The following FYB1 variants were observed in gnomAD, a reference collection of about 807,000 sequenced individuals.
FYB1 encodes the protein FYN binding protein 1, also known as FYN-binding protein 1.
A neutral mutation model predicts 94.1 loss-of-function variants in FYB1; 41 were observed. That is an observed-to-expected ratio of 0.44 (90% CI 0.34 to 0.57). The LOEUF (loss-of-function observed/expected upper bound fraction) is 0.57, where lower values mean the gene tolerates loss of function less well. FYB1 is among the 20% of genes least tolerant of loss of function. FYB1 has a pLI of 0.02. For synonymous variants in FYB1, 367 were observed against 353.2 expected, an observed-to-expected ratio of 1.04 and a Z score of -0.44; for missense variants, 1,050 against 976.8, an observed-to-expected ratio of 1.07 and a Z score of -1.00.
chr5:39,159,544 T>C (rs1200859988), intron 2 of FYB1, among the ~76,000 whole-genome samples: 2 of 152,152 alleles, frequency 1.3e-5, no homozygotes, highest in African/African-American at 4.8e-5. Flanking sequence ...TCCCCTTCAT[T>C]CCCAGACCCT....
intron 2 of FYB1, among the ~76,000 whole-genome samples, chr5:39,185,436 C>A (rs1190410445): frequency 6.6e-6 from 1 of 150,388 alleles, no homozygotes; most frequent in Non-Finnish European, 1.5e-5. Flanking sequence ...AGTTCCCAGT[C>A]AAGATGGTAG....
chr5:39,265,507 A>G (rs1227473065), intron 1 of FYB1, among the ~76,000 whole-genome samples: 1 of 150,376 alleles, frequency 6.6e-6, no homozygotes, highest in Non-Finnish European at 1.5e-5. Flanking sequence ...AGAAAAAAAA[A>G]TTAGCTGGGG....
chr5:39,209,351 G>C (rs556198178), intron 1 of FYB1, among the ~76,000 whole-genome samples: 1 of 149,258 alleles, frequency 6.7e-6, no homozygotes, highest in South Asian at 2.1e-4. Flanking sequence ...TTTTGAGACG[G>C]AGCCTCCCTC....
chr5:39,218,808 A>G (rs1479474550), intron 1 of FYB1, among the ~76,000 whole-genome samples: 1 of 152,216 alleles, frequency 6.6e-6, no homozygotes, highest in African/African-American at 2.4e-5. Flanking sequence ...AATGTATACA[A>G]GACAGCCAAA....
At chr5:39,206,376 G>A (rs1342450031) in intron 1 of FYB1, among the ~76,000 whole-genome samples, 2 of 152,042 alleles carry the variant, frequency 1.3e-5, no homozygotes, top group Non-Finnish European at 2.9e-5. Flanking sequence ...ACCCTTAATC[G>A]TAACAATAAT....
chr5:39,111,870 C>T (rs904905455), intron 16 of FYB1, among the ~76,000 whole-genome samples: 1 of 151,900 alleles, frequency 6.6e-6, no homozygotes, highest in African/African-American at 2.4e-5. Context: ...GAACACGTTG[C>T]ACCTTCCTTT....
chr5:39,220,293 C>A (rs180836171), upstream of FYB1, among the ~76,000 whole-genome samples: 81 of 151,414 alleles, frequency 5.3e-4, no homozygotes, highest in African/African-American at 1.9e-3. Context: ...TGCCTGTAGC[C>A]CCAGACATTT....
At chr5:39,162,408 T>C (rs1402428865) in intron 2 of FYB1, among the ~76,000 whole-genome samples, 1 of 152,142 alleles carries the variant, frequency 6.6e-6, no homozygotes, top group African/African-American at 2.4e-5. Flanking sequence ...TTTGGTAGGC[T>C]GGGTGCTGTG....
intron 1 of FYB1, among the ~76,000 whole-genome samples, chr5:39,259,081 C>G (rs1248985990): frequency 1.3e-5 from 2 of 152,202 alleles, no homozygotes; most frequent in Non-Finnish European, 2.9e-5. Flanking sequence ...CCCCCTCACA[C>G]CACCATGGGC....
At chr5:39,171,853 A>G (rs938857438) in intron 2 of FYB1, among the ~76,000 whole-genome samples, 1 of 152,184 alleles carries the variant, frequency 6.6e-6, no homozygotes. Context: ...TGCTGAAGTA[A>G]GAGAACCTGG....
chr5:39,222,977 G>C (rs1397469697), upstream of FYB1, among the ~76,000 whole-genome samples: 1 of 151,992 alleles, frequency 6.6e-6, no homozygotes, highest in East Asian at 1.9e-4. Context: ...ATGGAGGGGA[G>C]AGCATCAGGA....
At chr5:39,183,858 T>C (rs991200748) in intron 2 of FYB1, among the ~76,000 whole-genome samples, 3 of 152,026 alleles carry the variant, frequency 2.0e-5, no homozygotes, top group African/African-American at 7.2e-5. Context: ...GGGGCTATGG[T>C]GGTGGTGGAA....
At chr5:39,182,969 T>A (rs913898287) in intron 2 of FYB1, among the ~76,000 whole-genome samples, 1 of 152,210 alleles carries the variant, frequency 6.6e-6, no homozygotes, top group Non-Finnish European at 1.5e-5. Flanking sequence ...CAAAACTAAG[T>A]TGACAAAGTT....
intron 2 of FYB1, among the ~76,000 whole-genome samples, chr5:39,172,715 A>G (rs1745359108): frequency 6.6e-6 from 1 of 151,818 alleles, no homozygotes; most frequent in Non-Finnish European, 1.5e-5. Context: ...TTTTCTGTTC[A>G]TGTGTTAGTT....
rs753354647 is a variant in FYB1 at position 39,202,896 on chromosome 5, C to T, written c.65G>A (p.Arg22Lys). The change falls in exon 2 of 19, where the codon AGA (arginine) becomes AAA (lysine). Residue 22 changes from arginine (R) to lysine (K), a missense_variant. Coordinates refer to ENST00000512982, the MANE Select transcript of FYB1 (RefSeq NM_001465.6). Reference protein sequence around the residue: ...EDVSVNSRPFRVTGPNSSSGI... With the variant: ...EDVSVNSRPFKVTGPNSSSGI... ...TGAAGATGAGTTTGGCCCTGTGACT[C>T]TGAAGGGTCGGCTATTGACTGAGAC... The T allele has an allele frequency of 6.2e-7, 1 of 1,613,856 alleles. No individual in the cohort carries two copies. Among genetic ancestry groups the T allele is most frequent in the Non-Finnish European group, 8.5e-7 (1 of 1,179,902 alleles).
intron 2 of FYB1, among the ~76,000 whole-genome samples, chr5:39,174,009 A>G (rs751662278): frequency 1.9e-4 from 29 of 152,286 alleles, no homozygotes; most frequent in Non-Finnish European, 2.6e-4. Context: ...TAGTGATAGC[A>G]TTGAATCTGT....
chr5:39,187,187 T>C (rs1029603107), intron 2 of FYB1, among the ~76,000 whole-genome samples: 3 of 152,204 alleles, frequency 2.0e-5, no homozygotes, highest in African/African-American at 7.2e-5. Flanking sequence ...CTTACAAAAA[T>C]ACTGTGACAC....
intron 1 of FYB1, among the ~76,000 whole-genome samples, chr5:39,236,662 C>G (rs151289091): frequency 1.7e-3 from 257 of 152,112 alleles, no homozygotes; most frequent in African/African-American, 6.0e-3. Context: ...TAACAAGGAA[C>G]AATCAAAGGT....
intron 9 of FYB1, among the ~76,000 whole-genome samples, chr5:39,133,956 A>T (rs1292257598): frequency 6.6e-6 from 1 of 152,232 alleles, no homozygotes; most frequent in Non-Finnish European, 1.5e-5. Context: ...GTGTTTTAGA[A>T]TGAAAACACA....
Sources: allele counts gnomAD v4.1 joint callset (sites outside exome capture counted in the v4.1 genomes callset), GRCh38; gene constraint gnomAD v4.1.1; transcripts MANE v1.5; gene names NCBI Gene and HGNC (gene_info 2026-07-23, HGNC 2026-07-21).